CALCRL: variants seen among roughly 807,000 people sequenced by gnomAD.
The protein encoded by CALCRL is calcitonin gene-related peptide type 1 receptor.
Under a neutral mutation model 60.4 loss-of-function variants are expected in CALCRL, and 27 were observed. The observed-to-expected ratio is 0.45, with a 90% CI of 0.33 to 0.62. The LOEUF (loss-of-function observed/expected upper bound fraction) is 0.62, where lower values mean the gene tolerates loss of function less well. CALCRL is among the 20% of genes least tolerant of loss of function. The pLI is 0.03. For missense variants in CALCRL, 424 were observed against 540.7 expected (o/e 0.78, Z 2.14); for synonymous variants, 190 against 182.6 (o/e 1.04, Z -0.33).
At chr2:187,378,840 A>T in intron 8 of CALCRL, 100 bp downstream of exon 8, 1 of 658,344 alleles carries the variant, frequency 1.5e-6, no homozygotes, top group Non-Finnish European at 2.7e-6. Context: ...TAAATCATCT[A>T]TATTGGTATA....
intron 14 of CALCRL, among the ~76,000 whole-genome samples, chr2:187,351,540 G>C (rs938109687): frequency 6.6e-6 from 1 of 151,838 alleles, no homozygotes; most frequent in Non-Finnish European, 1.5e-5. Flanking sequence ...AAAAGAGAAA[G>C]AGGGAAAATG....
chr2:187,419,485 T>G (rs1191651557), intron 1 of CALCRL, among the ~76,000 whole-genome samples: 19 of 152,230 alleles, frequency 1.2e-4, no homozygotes. Context: ...CAAAATAAAT[T>G]TCAGTTGTCT....
At chr2:187,388,953 A>G (rs1275652509) in intron 1 of CALCRL, among the ~76,000 whole-genome samples, 2 of 152,098 alleles carry the variant, frequency 1.3e-5, no homozygotes, top group African/African-American at 2.4e-5. Flanking sequence ...TAAGAGATTC[A>G]ATACTAAATA....
intron 1 of CALCRL, among the ~76,000 whole-genome samples, chr2:187,410,461 G>A (rs552202577): frequency 1.6e-4 from 25 of 152,248 alleles, no homozygotes; most frequent in African/African-American, 5.8e-4. Context: ...TATAGGTGTG[G>A]AAATATGCAG....
At chr2:187,424,228 C>A in intron 1 of CALCRL, among the ~76,000 whole-genome samples, 1 of 151,996 alleles carries the variant, frequency 6.6e-6, no homozygotes, top group African/African-American at 2.4e-5. Flanking sequence ...CTTTACCCTC[C>A]TTTAAATGAG....
At chr2:187,387,562 G>A (rs1688259829) in intron 2 of CALCRL, 69 bp from the exon 3 acceptor site, 6 of 369,052 alleles carry the variant, frequency 1.6e-5, no homozygotes, top group Admixed American at 9.1e-5. Flanking sequence ...TGTTGTTATA[G>A]ACAGAAAACA....
At chr2:187,399,824 G>A (rs1205278985) in intron 1 of CALCRL, among the ~76,000 whole-genome samples, 2 of 151,380 alleles carry the variant, frequency 1.3e-5, no homozygotes, top group Non-Finnish European at 3.0e-5. Flanking sequence ...AGGACATTAT[G>A]TCATGTGAAA....
At chr2:187,414,337 A>G (rs1051600635) in intron 1 of CALCRL, among the ~76,000 whole-genome samples, 1 of 152,162 alleles carries the variant, frequency 6.6e-6, no homozygotes, top group African/African-American at 2.4e-5. Flanking sequence ...TGAATTTCTC[A>G]ATAGTAGTCA....
At chr2:187,386,211 T>A (rs541594234) in intron 3 of CALCRL, among the ~76,000 whole-genome samples, 1 of 152,008 alleles carries the variant, frequency 6.6e-6, no homozygotes, top group Non-Finnish European at 1.5e-5. Context: ...ATTATAAAGG[T>A]ATTACAATAG....
At chr2:187,392,066 G>T (rs1279911315) in intron 1 of CALCRL, among the ~76,000 whole-genome samples, 1 of 151,990 alleles carries the variant, frequency 6.6e-6, no homozygotes, top group Non-Finnish European at 1.5e-5. Flanking sequence ...CATAAATCCT[G>T]AACATGCACC....
chr2:187,364,271 A>AT (rs756372462), intron 8 of CALCRL, among the ~76,000 whole-genome samples: 1 of 152,182 alleles, frequency 6.6e-6, no homozygotes, highest in Non-Finnish European at 1.5e-5. Context: ...GATTGTGCAT[A>AT]TATGACTGCC....
intron 1 of CALCRL, among the ~76,000 whole-genome samples, chr2:187,418,196 T>C (rs911127698): frequency 6.6e-5 from 10 of 152,194 alleles, no homozygotes; most frequent in Non-Finnish European, 1.2e-4. Context: ...ATCCTGGAAT[T>C]CTGGTCATTA....
intron 14 of CALCRL, among the ~76,000 whole-genome samples, chr2:187,348,443 A>G (rs1374566679): frequency 6.6e-6 from 1 of 151,680 alleles, no homozygotes; most frequent in Non-Finnish European, 1.5e-5. Context: ...AGCTTTGTAT[A>G]AAAAATTCTA....
At chr2:187,371,504 A>G (rs1358057219) in intron 8 of CALCRL, among the ~76,000 whole-genome samples, 6 of 152,144 alleles carry the variant, frequency 3.9e-5, no homozygotes, top group African/African-American at 1.4e-4. Context: ...ATGAAAAGCG[A>G]AAGTTCCAAT....
In CALCRL at chr2:187,359,561, C is replaced by T. The variant is rs1432775131; in HGVS notation, c.782-289G>A. On this transcript the variant is annotated intron_variant, in intron 10 of 14. Transcript: ENST00000392370. ...GAGCTTAACTCTTAAGATGTGTTTC[C>T]TAAGCCACAAGGATTAGAAGAAATT... 1.3e-5 allele frequency among the ~76,000 whole-genome samples: 2 copies of T among 152,014 alleles called. 1 individual carries two copies. Among genetic ancestry groups the T allele is most frequent in the East Asian group, 3.9e-4 (2 of 5,174 alleles).
chr2:187,442,138 A>T (rs549931021), intron 1 of CALCRL: 2 of 147,956 alleles, frequency 1.4e-5, no homozygotes, highest in African/African-American at 4.9e-5. Flanking sequence ...ACATACATAC[A>T]CACACACATA....
chr2:187,359,039 A>T (rs1239195009), intron 12 of CALCRL, 24 bp downstream of exon 12: 3 of 1,578,644 alleles, frequency 1.9e-6, no homozygotes, highest in Non-Finnish European at 2.6e-6. Context: ...AGCAATGATA[A>T]GGAAAGGAGA....
chr2:187,408,543 A>G (rs1689229133), intron 1 of CALCRL, among the ~76,000 whole-genome samples: 1 of 152,110 alleles, frequency 6.6e-6, no homozygotes, highest in African/African-American at 2.4e-5. Flanking sequence ...TGCCTATTGC[A>G]GAAATAAATA....
chr2:187,417,479 T>C (rs1689665630), intron 1 of CALCRL, among the ~76,000 whole-genome samples: 1 of 152,122 alleles, frequency 6.6e-6, no homozygotes, highest in African/African-American at 2.4e-5. Context: ...TTTGATGAAA[T>C]ATATGCCTGT....
Sources: gnomAD v4.1 joint callset for allele counts (sites outside exome capture counted in the v4.1 genomes callset) on GRCh38, gnomAD v4.1.1 for gene constraint, MANE v1.5 for transcripts, NCBI Gene and HGNC (gene_info 2026-07-23, HGNC 2026-07-21) for gene names.